Variants in DOCK2 observed in about 807,000 individuals in gnomAD.
DOCK2 encodes the protein dedicator of cytokinesis 2, also known as dedicator of cytokinesis protein 2.
A neutral mutation model predicts 248.9 loss-of-function variants in DOCK2; 87 were observed. That is an observed-to-expected ratio of 0.35 (90% CI 0.29 to 0.42). DOCK2 has a LOEUF of 0.42. DOCK2 is among the 10% of genes least tolerant of loss of function. The probability of loss-of-function intolerance (pLI) is 1.00; values close to 1 mark genes in which losing one functional copy is unlikely to be tolerated. For synonymous variants in DOCK2, 805 were observed against 821.6 expected (o/e 0.98, Z 0.35); for missense variants, 1,747 against 2,300.2 (o/e 0.76, Z 4.92).
At chr5:169,659,730 G>C (rs1581401800) in intron 2 of DOCK2, among the ~76,000 whole-genome samples, 2 of 152,144 alleles carry the variant, frequency 1.3e-5, no homozygotes, top group Admixed American at 6.5e-5. Context: ...TATCTCTCAT[G>C]CTGCCTCTTT....
At chr5:169,643,561 G>C (rs1176564773) in intron 1 of DOCK2, among the ~76,000 whole-genome samples, 1 of 152,196 alleles carries the variant, frequency 6.6e-6, no homozygotes, top group Non-Finnish European at 1.5e-5. Context: ...AGAATCGAAT[G>C]CCCCTGCTGA....
At chr5:169,693,985 T>G (rs1283877533) in intron 9 of DOCK2, among the ~76,000 whole-genome samples, 1 of 152,226 alleles carries the variant, frequency 6.6e-6, no homozygotes, top group Non-Finnish European at 1.5e-5. Flanking sequence ...AATACCTTCA[T>G]AGCAATATCC....
intron 27 of DOCK2, among the ~76,000 whole-genome samples, chr5:169,856,312 T>C (rs1770892476): frequency 6.6e-6 from 1 of 152,202 alleles, no homozygotes; most frequent in Non-Finnish European, 1.5e-5. Context: ...GCCCCTGAGC[T>C]CTTTGGTACT....
intron 27 of DOCK2, among the ~76,000 whole-genome samples, chr5:169,953,492 TG>T (rs1177872503): frequency 6.6e-6 from 1 of 152,156 alleles, no homozygotes; most frequent in East Asian, 1.9e-4. Context: ...ATGGAGGTCT[TG>T]GGGATTGAAT....
intron 27 of DOCK2, among the ~76,000 whole-genome samples, chr5:169,843,248 G>A (rs1348720976): frequency 6.6e-6 from 1 of 152,142 alleles, no homozygotes; most frequent in East Asian, 1.9e-4. Context: ...CAGCACAAAT[G>A]TACGAAGCTG....
Position 170,035,651 on chromosome 5 carries a change from A to T in DOCK2, c.3625-864A>T, listed in dbSNP as rs150004614. Among the ~76,000 whole-genome samples the T allele has an allele frequency of 2.6e-5, 4 of 152,290 alleles. No homozygotes were observed. In the East Asian group the frequency reaches 7.7e-4, roughly 29 times the overall value. On this transcript the variant is annotated intron_variant, in intron 35 of 51. Coordinates refer to ENST00000520908, the MANE Select transcript of DOCK2 (RefSeq NM_004946.3). ...GCTTGGGACAGACAGTTCTCCAAGC[A>T]CTGAGACACCACTAGTTTTTAGTGC...
chr5:169,813,715 T>A (rs1194006280), intron 26 of DOCK2, among the ~76,000 whole-genome samples: 1 of 152,196 alleles, frequency 6.6e-6, no homozygotes, highest in Non-Finnish European at 1.5e-5. Flanking sequence ...AGGGGAGATA[T>A]GTTTCATTTC....
At chr5:169,933,912 C>G (rs997371163) in intron 27 of DOCK2, among the ~76,000 whole-genome samples, 2 of 152,248 alleles carry the variant, frequency 1.3e-5, no homozygotes, top group Non-Finnish European at 2.9e-5. Context: ...GAACAAACTA[C>G]TGGTGTCGCC....
At chr5:170,082,365 A>G (rs1190315105) in intron 51 of DOCK2, among the ~76,000 whole-genome samples, 1 of 152,186 alleles carries the variant, frequency 6.6e-6, no homozygotes, top group East Asian at 1.9e-4. Flanking sequence ...CCCATCTCCT[A>G]TTGTTACTTG....
At chr5:170,023,105 C>A (rs1163080906) in intron 33 of DOCK2, among the ~76,000 whole-genome samples, 1 of 151,990 alleles carries the variant, frequency 6.6e-6, no homozygotes, top group Non-Finnish European at 1.5e-5. Context: ...GGTATAGAGA[C>A]CTTGGAGACT....
chr5:169,673,722 C>T (rs1759171484), intron 5 of DOCK2, among the ~76,000 whole-genome samples: 1 of 152,174 alleles, frequency 6.6e-6, no homozygotes. Flanking sequence ...AAGACATTAA[C>T]AATATGTGAG....
chr5:169,750,281 A>C (rs1309223686), intron 23 of DOCK2, among the ~76,000 whole-genome samples: 5 of 152,246 alleles, frequency 3.3e-5, no homozygotes, highest in African/African-American at 1.2e-4. Context: ...GAACAAAGGG[A>C]GAGAGACAGT....
In DOCK2 at chr5:169,825,728, CCTG is replaced by C. The variant is rs1768803160; in HGVS notation, c.2704-15027_2704-15025del. On this transcript the variant is annotated intron_variant, in intron 26 of 51. Coordinates refer to ENST00000520908, the MANE Select transcript of DOCK2 (RefSeq NM_004946.3). ...GTCACATGTATACATATGTAACAAA[CCTG>C]CACGTTGTGCACATGTACCCTAGAA... 2.7e-5 allele frequency among the ~76,000 whole-genome samples: 4 copies of C among 150,850 alleles called. 1 individual carries two copies. The South Asian group carries it at 8.4e-4, about 32-fold the overall frequency.
At chr5:169,989,494 T>C (rs1297747756) in intron 29 of DOCK2, among the ~76,000 whole-genome samples, 1 of 152,078 alleles carries the variant, frequency 6.6e-6, no homozygotes, top group Non-Finnish European at 1.5e-5. Context: ...GCATCCAGGG[T>C]TGTAGGCAAT....
chr5:170,081,943 A>G lies in DOCK2; in HGVS notation c.5389A>G (p.Thr1797Ala), dbSNP rs1758050089. The G allele has an allele frequency of 1.2e-6, 2 of 1,614,182 alleles. No individual in the cohort carries two copies. The highest frequency in any genetic ancestry group is 1.7e-6 in the Non-Finnish European group (2 of 1,180,024). Residue 1797 changes from threonine (T) to alanine (A), a missense_variant, in exon 51 of 52, where the codon ACA becomes GCA. Thr to Ala is a moderately conservative substitution (Grantham distance 58). Transcript: ENST00000520908. ...FLQLSDGDKK[T>A]LTRKKVNQFF... ...CCAACTCTCAGATGGTGACAAGAAGACACTCACACGGAAGAAGGTCAATCA... is the reference window on the plus strand; with the variant it reads ...CCAACTCTCAGATGGTGACAAGAAGGCACTCACACGGAAGAAGGTCAATCA...
Position 169,699,402 on chromosome 5 carries a change from T to G in DOCK2, c.1076T>G (p.Phe359Cys). 6.2e-7 allele frequency: 1 copy of G among 1,613,368 alleles called. No individual in the cohort carries two copies. Among genetic ancestry groups the G allele is most frequent in the Non-Finnish European group, 8.5e-7 (1 of 1,179,578 alleles). Residue 359 changes from phenylalanine to cysteine, a missense_variant, in exon 12 of 52, where the codon TTC (phenylalanine) becomes TGC (cysteine). Physicochemically the swap from Phe to Cys is radical, Grantham distance 205 (BLOSUM62 -2). This residue lies in a region of DOCK2 where 375 missense variants were observed against 510.9 expected (regional missense o/e 0.73). Coordinates refer to ENST00000520908, the MANE Select transcript of DOCK2 (RefSeq NM_004946.3). ...TCCAGGGTTACAGCTGAGAATGACT[T>G]CCTACACAGCCTGCTGGGCAAAGTC... ...PFHPVTAEND[F>C]LHSLLGKVIA... is the part of the protein sequence containing the mutation.
chr5:169,799,328 G>A (rs1191641573), intron 25 of DOCK2, among the ~76,000 whole-genome samples: 1 of 152,076 alleles, frequency 6.6e-6, no homozygotes, highest in Non-Finnish European at 1.5e-5. Flanking sequence ...TTATCTTCTG[G>A]TTGGGCTTAA....
intron 10 of DOCK2, among the ~76,000 whole-genome samples, chr5:169,696,175 G>A (rs1031812648): frequency 4.6e-5 from 7 of 152,118 alleles, no homozygotes; most frequent in African/African-American, 1.7e-4. Flanking sequence ...GTAGAGCATC[G>A]GGAGACCGGG....
chr5:170,046,750 T>C (rs1302107661), intron 39 of DOCK2, among the ~76,000 whole-genome samples: 2 of 150,580 alleles, frequency 1.3e-5, no homozygotes, highest in African/African-American at 4.9e-5. Flanking sequence ...CCAATGCCTA[T>C]GCCCAAGACA....
Sources: allele counts gnomAD v4.1 joint callset (sites outside exome capture counted in the v4.1 genomes callset), GRCh38; gene constraint gnomAD v4.1.1; regional missense constraint gnomAD v4.1.1; transcripts MANE v1.5; gene names NCBI Gene and HGNC (gene_info 2026-07-23, HGNC 2026-07-21).